The following DNAH14 variants were observed in gnomAD, a reference collection of about 807,000 sequenced individuals.
DNAH14 encodes axonemal beta dynein heavy chain 14.
In DNAH14, 478 loss-of-function variants were observed where a neutral mutation model predicts 520.9. The observed-to-expected ratio is 0.92, with a 90% CI of 0.85 to 0.99. The LOEUF is 0.99. Among genes scored for constraint, DNAH14 ranks in the 50% least tolerant of loss-of-function variants. The pLI is 0.00. For missense variants in DNAH14, 4,831 were observed against 5,234.5 expected, an observed-to-expected ratio of 0.92 and a Z score of 2.38; for synonymous variants, 1,581 against 1,757.2, an observed-to-expected ratio of 0.90 and a Z score of 2.51.
chr1:225,053,668 G>C (rs895510783), intron 17 of DNAH14, among the ~76,000 whole-genome samples: 4 of 152,138 alleles, frequency 2.6e-5, no homozygotes, highest in Non-Finnish European at 5.9e-5. Flanking sequence ...ACAGGATATG[G>C]CATTGACTGA....
At chr1:225,127,909 G>A (rs2077932761) in intron 27 of DNAH14, among the ~76,000 whole-genome samples, 1 of 152,120 alleles carries the variant, frequency 6.6e-6, no homozygotes, top group Non-Finnish European at 1.5e-5. Flanking sequence ...GCCTGGTGGT[G>A]ACAAAATCTC....
At chr1:225,000,401 T>C (rs2063678685) in intron 8 of DNAH14, among the ~76,000 whole-genome samples, 1 of 152,106 alleles carries the variant, frequency 6.6e-6, no homozygotes. Context: ...CTTAGCTTCT[T>C]GAATCTCTAG....
chr1:225,185,560 C>T (rs1232244683), intron 37 of DNAH14, 135 bp downstream of exon 37: 2 of 901,390 alleles, frequency 2.2e-6, no homozygotes, highest in African/African-American at 1.8e-5. Flanking sequence ...AGTTAAGAAT[C>T]ATAATGAGTG....
At chr1:225,010,852 A>T (rs567286841) in intron 10 of DNAH14, among the ~76,000 whole-genome samples, 1 of 151,896 alleles carries the variant, frequency 6.6e-6, no homozygotes, top group South Asian at 2.1e-4. Context: ...GAATTTATCC[A>T]TTTCCTCTAG....
chr1:225,036,379 C>G (rs1348334165), intron 11 of DNAH14, among the ~76,000 whole-genome samples: 1 of 152,152 alleles, frequency 6.6e-6, no homozygotes, highest in Non-Finnish European at 1.5e-5. Flanking sequence ...TCGTGATCCA[C>G]CCACCTAAGC....
intron 55 of DNAH14, among the ~76,000 whole-genome samples, chr1:225,300,245 G>GT (rs1349532463): frequency 1.2e-4 from 18 of 152,278 alleles, no homozygotes; most frequent in African/African-American, 4.1e-4. Flanking sequence ...TGCCTGAGCA[G>GT]TGTTCCTGCC....
intron 30 of DNAH14, among the ~76,000 whole-genome samples, chr1:225,146,431 A>T (rs2079951588): frequency 1.3e-5 from 2 of 152,170 alleles, no homozygotes; most frequent in African/African-American, 4.8e-5. Context: ...AGGCCTGTCA[A>T]TATTTTTGTT....
At chr1:225,079,672 CTTTTTT>C (rs58242386) in intron 18 of DNAH14, 124 bp downstream of exon 18, 12 of 326,674 alleles carry the variant, frequency 3.7e-5, no homozygotes, top group South Asian at 1.4e-4. Flanking sequence ...TACAAGTATT[CTTTTTT>C]TTTTTTTTTT....
chr1:225,173,667 G>C (rs2149246293), intron 36 of DNAH14, among the ~76,000 whole-genome samples: 1 of 152,318 alleles, frequency 6.6e-6, no homozygotes, highest in South Asian at 2.1e-4. Flanking sequence ...TGGTGGGACT[G>C]TAAACTAGTT....
chr1:225,190,704 A>G (rs4319288), intron 37 of DNAH14, among the ~76,000 whole-genome samples: 19,405 of 152,036 alleles, frequency 0.13, 1,391 homozygotes, highest in East Asian at 0.31. Flanking sequence ...AGGTGTGTGT[A>G]TGCACAGAGA....
rs1280318549 is a variant in DNAH14, at chr1:224,952,172, A to G, written c.-33-498A>G. Among the ~76,000 whole-genome samples the G allele has an allele frequency of 2.0e-5, 3 of 151,926 alleles. No homozygotes were observed. The East Asian group carries it at 5.8e-4, about 29-fold the overall frequency. ...GATTTCCCTCAGTCATCAGAAAGAAACTCCCCTTTTTATATTTCATAACCC... is the reference window on the plus strand; with the variant it reads ...GATTTCCCTCAGTCATCAGAAAGAAGCTCCCCTTTTTATATTTCATAACCC... On this transcript the variant is annotated intron_variant, in intron 1 of 85. Coordinates refer to ENST00000682510, the MANE Select transcript of DNAH14 (RefSeq NM_001367479.1).
chr1:225,298,507 C>G (rs1387787741), intron 55 of DNAH14, among the ~76,000 whole-genome samples: 1 of 152,192 alleles, frequency 6.6e-6, no homozygotes, highest in Non-Finnish European at 1.5e-5. Flanking sequence ...GCTGGCAGGA[C>G]CACAATCACA....
rs192714829 is a variant in DNAH14, at chr1:225,136,711, G to A, written c.4255-4057G>A. Among the ~76,000 whole-genome samples, 878 of 152,238 alleles carry A rather than the reference G, an allele frequency of 5.8e-3. 1 individual carries two copies. The highest frequency in any genetic ancestry group is 0.01 in the Non-Finnish European group (688 of 68,014). On this transcript the variant is annotated intron_variant, in intron 27 of 85. Transcript: ENST00000682510. ...AATGTTGGCCTGTCTTGCTAGGTTG[G>A]GGAAGTTCTCCTGGATGATATGCTG...
At chr1:225,108,330 C>T (rs1448606724) in intron 23 of DNAH14, among the ~76,000 whole-genome samples, 1 of 152,170 alleles carries the variant, frequency 6.6e-6, no homozygotes, top group Non-Finnish European at 1.5e-5. Context: ...CTCTAACTGG[C>T]TTCCTTGCTC....
At chr1:225,164,677 T>G (rs1351378640) in intron 35 of DNAH14, among the ~76,000 whole-genome samples, 1 of 152,170 alleles carries the variant, frequency 6.6e-6, no homozygotes, top group Admixed American at 6.5e-5. Context: ...CTGATGCCTC[T>G]TTTAGCTGAA....
At chr1:224,963,655 T>A (rs541513627) in intron 4 of DNAH14, among the ~76,000 whole-genome samples, 1 of 152,252 alleles carries the variant, frequency 6.6e-6, no homozygotes, top group African/African-American at 2.4e-5. Flanking sequence ...TATTTTTATA[T>A]CTGGGTCTAT....
At chr1:225,028,603 T>TA (rs560768302) in intron 11 of DNAH14, among the ~76,000 whole-genome samples, 16 of 152,036 alleles carry the variant, frequency 1.1e-4, no homozygotes, top group South Asian at 1.0e-3. Flanking sequence ...TCTTGTCAAT[T>TA]AAAAAAAATC....
intron 11 of DNAH14, among the ~76,000 whole-genome samples, chr1:225,034,255 AG>A (rs2066764030): frequency 6.6e-6 from 1 of 152,090 alleles, no homozygotes; most frequent in South Asian, 2.1e-4. Context: ...GTTTATTGAG[AG>A]TTTTTAACAT....
intron 68 of DNAH14, among the ~76,000 whole-genome samples, chr1:225,339,584 A>G (rs1332181168): frequency 8.5e-5 from 13 of 152,184 alleles, no homozygotes; most frequent in Admixed American, 4.6e-4. Context: ...ATTAAGTAAC[A>G]GTGCTAAAAA....
Sources: allele counts gnomAD v4.1 joint callset (sites outside exome capture counted in the v4.1 genomes callset), GRCh38; gene constraint gnomAD v4.1.1; transcripts MANE v1.5; gene names NCBI Gene and HGNC (gene_info 2026-07-23, HGNC 2026-07-21).